SYNE1: variants seen among roughly 807,000 people sequenced by gnomAD.
The protein encoded by SYNE1 is nesprin-1.
Under a neutral mutation model 1,111.0 loss-of-function variants are expected in SYNE1, and 616 were observed. That is an observed-to-expected ratio of 0.55 (90% CI 0.52 to 0.59). The LOEUF (loss-of-function observed/expected upper bound fraction) is 0.59. SYNE1 is among the 20% of genes least tolerant of loss of function. The probability of loss-of-function intolerance (pLI) is 0.00; values close to 1 mark genes in which losing one functional copy is unlikely to be tolerated. For missense variants in SYNE1, 10,006 were observed against 10,417.0 expected (o/e 0.96, Z 1.72); for synonymous variants, 3,855 against 3,825.8 (o/e 1.01, Z -0.28).
At chr6:152,533,612 C>T (rs1425303998) in intron 4 of SYNE1, among the ~76,000 whole-genome samples, 1 of 152,068 alleles carries the variant, frequency 6.6e-6, no homozygotes, top group Non-Finnish European at 1.5e-5. Context: ...GTCACCAGTA[C>T]CTTGGCCAGA....
chr6:152,396,057 A>G (rs1031219542), intron 50 of SYNE1, among the ~76,000 whole-genome samples: 2 of 152,204 alleles, frequency 1.3e-5, no homozygotes, highest in African/African-American at 4.8e-5. Context: ...CAACAAGATT[A>G]CATTCTCATG....
Position 152,325,083 on chromosome 6 carries a change from C to T in SYNE1, c.15657+1G>A, listed in dbSNP as rs1197944553. 6.2e-7 allele frequency: 1 copy of T among 1,613,818 alleles called. No individual in the cohort carries two copies. Among genetic ancestry groups the T allele is most frequent in the Non-Finnish European group, 8.5e-7 (1 of 1,180,016 alleles). ...GTGAGCCCATGGACAGTGGAAACTA[C>T]CTTGTTGTTAAAGCCCGTCCACTCA... On this transcript the variant is annotated splice_donor_variant, in intron 81 of 145. Coordinates refer to ENST00000367255, the MANE Select transcript of SYNE1 (RefSeq NM_182961.4). LOFTEE classifies it high-confidence loss of function.
At chr6:152,513,942 C>A (rs572996229) in intron 6 of SYNE1, among the ~76,000 whole-genome samples, 2 of 152,198 alleles carry the variant, frequency 1.3e-5, no homozygotes, top group East Asian at 3.9e-4. Context: ...CATGTCACAC[C>A]AGTTAGAATG....
chr6:152,189,007 AT>A lies in SYNE1; in HGVS notation c.23301+244del, dbSNP rs1563336652. Among the ~76,000 whole-genome samples the A allele has an allele frequency of 5.3e-4, 68 of 127,752 alleles. 1 individual carries two copies. Among genetic ancestry groups the A allele is most frequent in the African/African-American group, 2.1e-3 (64 of 31,048 alleles). 83.8% of individuals were successfully genotyped at this position (127,752 alleles called of 152,430 possible). On this transcript the variant is annotated intron_variant, in intron 128 of 145. Coordinates refer to ENST00000367255, the MANE Select transcript of SYNE1 (RefSeq NM_182961.4). ...AAAATATATATATATATATATATAT[AT>A]ATATATATATAAAATGCCAGCCAGC...
intron 25 of SYNE1, among the ~76,000 whole-genome samples, chr6:152,452,128 G>T (rs2098656408): frequency 2.0e-5 from 3 of 152,062 alleles, no homozygotes; most frequent in Non-Finnish European, 4.4e-5. Context: ...AACATTTCAT[G>T]TTCTTTTAAA....
At chr6:152,502,576 A>C (rs2099035434) in intron 10 of SYNE1, 57 bp downstream of exon 10, 1 of 1,337,450 alleles carries the variant, frequency 7.5e-7, no homozygotes, top group Admixed American at 1.7e-5. Context: ...TATACTCAAA[A>C]AGCTGAGTCA....
chr6:152,135,377 G>A (rs1423839929), intron 141 of SYNE1, 145 bp from the exon 142 acceptor site: 10 of 873,530 alleles, frequency 1.1e-5, no homozygotes, highest in Middle Eastern at 3.0e-4. Context: ...CACTGGTGCT[G>A]TTGTAATGAC....
At chr6:152,511,149 T>C (rs747862924) in intron 6 of SYNE1, 46 bp from the exon 7 acceptor site, 1 of 1,513,438 alleles carries the variant, frequency 6.6e-7, no homozygotes. Context: ...TAGAATATTA[T>C]AACTCATTTA....
intron 93 of SYNE1, among the ~76,000 whole-genome samples, chr6:152,297,214 G>A (rs1303974185): frequency 6.6e-6 from 1 of 152,066 alleles, no homozygotes; most frequent in Non-Finnish European, 1.5e-5. Flanking sequence ...TTGCCTGGAT[G>A]GGCCATTTTG....
intron 14 of SYNE1, among the ~76,000 whole-genome samples, chr6:152,475,123 G>T (rs2098827588): frequency 6.6e-6 from 1 of 152,104 alleles, no homozygotes; most frequent in African/African-American, 2.4e-5. Context: ...TAAGAACATG[G>T]ATAGGTTAAA....
chr6:152,372,299 G>A (rs916417752), intron 59 of SYNE1, among the ~76,000 whole-genome samples: 1 of 152,170 alleles, frequency 6.6e-6, no homozygotes, highest in African/African-American at 2.4e-5. Context: ...CTTGGATCAG[G>A]AAATAATTGA....
intron 3 of SYNE1, among the ~76,000 whole-genome samples, chr6:152,582,117 C>A (rs146915561): frequency 1.3e-5 from 2 of 152,098 alleles, no homozygotes; most frequent in Non-Finnish European, 2.9e-5. Flanking sequence ...CCCTCCACCC[C>A]CTACTTCCCA....
chr6:152,310,804 TGAG>T lies in SYNE1; in HGVS notation c.16777_16779del (p.Leu5593del). On this transcript the variant is annotated inframe_deletion, in exon 88 of 146. Coordinates refer to ENST00000367255, the MANE Select transcript of SYNE1 (RefSeq NM_182961.4). Reference sequence around the variant, plus strand: ...ATTTTTTCTGTACAGTACACGCTAGTGAGGTACTGTAATTTCTCAGTCATTGCT... The same window carrying T: ...ATTTTTTCTGTACAGTACACGCTAGTGTACTGTAATTTCTCAGTCATTGCT... The T allele has an allele frequency of 3.1e-6, 5 of 1,614,174 alleles. No homozygotes were observed. Among genetic ancestry groups the T allele is most frequent in the Non-Finnish European group, 4.2e-6 (5 of 1,180,014 alleles).
At chr6:152,132,475 A>G (rs1412996757) in intron 143 of SYNE1, among the ~76,000 whole-genome samples, 8 of 152,192 alleles carry the variant, frequency 5.3e-5, no homozygotes, top group Non-Finnish European at 1.2e-4. Context: ...TTTCACTTAT[A>G]GCTTTATTAT....
intron 5 of SYNE1, among the ~76,000 whole-genome samples, chr6:152,523,337 A>G (rs766900889): frequency 1.3e-5 from 2 of 151,896 alleles, no homozygotes; most frequent in Non-Finnish European, 2.9e-5. Flanking sequence ...ACATTTTTGA[A>G]TGCTTTGTCA....
chr6:152,179,712 G>A (rs2067440067), intron 129 of SYNE1, among the ~76,000 whole-genome samples: 1 of 91,028 alleles, frequency 1.1e-5, no homozygotes, highest in Admixed American at 1.8e-4. Context: ...TTGAGACAGA[G>A]TCTCGTTCTG....
At chr6:152,209,474 G>A (rs1324715683) in intron 124 of SYNE1, among the ~76,000 whole-genome samples, 1 of 152,128 alleles carries the variant, frequency 6.6e-6, no homozygotes, top group African/African-American at 2.4e-5. Flanking sequence ...AATGGGCCGG[G>A]CCCGGTGACT....
intron 14 of SYNE1, among the ~76,000 whole-genome samples, chr6:152,479,893 A>G (rs1336712311): frequency 6.6e-6 from 1 of 152,250 alleles, no homozygotes; most frequent in Non-Finnish European, 1.5e-5. Flanking sequence ...CCTTTAAAAA[A>G]TGATCTGAAT....
intron 104 of SYNE1, among the ~76,000 whole-genome samples, chr6:152,250,949 C>T (rs1338997967): frequency 1.3e-5 from 2 of 151,908 alleles, no homozygotes; most frequent in South Asian, 2.1e-4. Context: ...CAGTTTTATG[C>T]TTTGTTTTGT....
Sources: allele counts gnomAD v4.1 joint callset (sites outside exome capture counted in the v4.1 genomes callset), GRCh38; gene constraint gnomAD v4.1.1; transcripts MANE v1.5; gene names NCBI Gene and HGNC (gene_info 2026-07-23, HGNC 2026-07-21).